EIF4G3: variants seen among roughly 807,000 people sequenced by gnomAD.
EIF4G3 encodes the protein eIF-4-gamma 3.
In EIF4G3, 34 loss-of-function variants were observed where a neutral mutation model predicts 186.4. The observed-to-expected ratio is 0.18, with a 90% CI of 0.14 to 0.24. The LOEUF is 0.24. EIF4G3 is among the 10% of genes least tolerant of loss of function. The pLI is 1.00. For synonymous variants in EIF4G3, 673 were observed against 679.5 expected (o/e 0.99, Z 0.15); for missense variants, 1,536 against 1,948.5 (o/e 0.79, Z 3.99).
At chr1:21,099,529 G>C (rs1006004530) in intron 2 of EIF4G3, among the ~76,000 whole-genome samples, 2 of 152,202 alleles carry the variant, frequency 1.3e-5, no homozygotes, top group East Asian at 3.8e-4. Flanking sequence ...ACTCCTGCCT[G>C]GGCAACAGAG....
At chr1:21,125,349 C>T (rs1044991287) in intron 2 of EIF4G3, among the ~76,000 whole-genome samples, 1 of 152,194 alleles carries the variant, frequency 6.6e-6, no homozygotes, top group Non-Finnish European at 1.5e-5. Flanking sequence ...ACAGTACCCT[C>T]ACTTTCTTAA....
chr1:20,906,481 G>A (rs574468593), intron 14 of EIF4G3, among the ~76,000 whole-genome samples: 42 of 152,194 alleles, frequency 2.8e-4, no homozygotes, highest in Non-Finnish European at 4.3e-4. Context: ...TGGAAAAGAG[G>A]AAGAACAATT....
At chr1:21,053,455 G>A (rs1442640677) in intron 3 of EIF4G3, among the ~76,000 whole-genome samples, 7 of 150,966 alleles carry the variant, frequency 4.6e-5, no homozygotes, top group Non-Finnish European at 8.9e-5. Flanking sequence ...CGCCCCGTCC[G>A]GGAGGTGAGG....
At chr1:21,017,340 T>A (rs2089406849) in intron 4 of EIF4G3, among the ~76,000 whole-genome samples, 1 of 151,876 alleles carries the variant, frequency 6.6e-6, no homozygotes, top group African/African-American at 2.4e-5. Flanking sequence ...AGAAGTTTAG[T>A]GTCCTTGGCC....
At chr1:20,931,248 C>T (rs1191588613) in intron 14 of EIF4G3, among the ~76,000 whole-genome samples, 1 of 152,062 alleles carries the variant, frequency 6.6e-6, no homozygotes, top group Non-Finnish European at 1.5e-5. Flanking sequence ...CAGCTATAGA[C>T]ATACAAAATG....
chr1:21,172,769 CG>C (rs377662282), intron 2 of EIF4G3, among the ~76,000 whole-genome samples: 1,505 of 148,052 alleles, frequency 0.01, 23 homozygotes, highest in African/African-American at 0.035. Context: ...AGGATGGTCT[CG>C]ATCTCCTGAT....
rs567541092 is a variant in EIF4G3, at chr1:20,868,735, C to A, written c.2623-3473G>T. Among the ~76,000 whole-genome samples, 3 of 152,174 alleles carry A rather than the reference C, an allele frequency of 2.0e-5. No homozygotes were observed. The South Asian group carries it at 6.2e-4, about 32-fold the overall frequency. ...GTGTGTTTAAATGGGTTGTTCGGGA[C>A]GGGTTTCTTTTTCTCAGGGAGCAAG... On this transcript the variant is annotated intron_variant, in intron 20 of 36. Coordinates refer to ENST00000602326, the MANE Select transcript of EIF4G3 (RefSeq NM_001391906.1).
intron 2 of EIF4G3, among the ~76,000 whole-genome samples, chr1:21,118,293 G>T (rs141363614): frequency 7.6e-4 from 115 of 152,280 alleles, no homozygotes; most frequent in African/African-American, 2.5e-3. Flanking sequence ...AACCCTCAGG[G>T]TGTGGATCAT....
At chr1:21,062,272 C>G (rs2094957148) in intron 3 of EIF4G3, among the ~76,000 whole-genome samples, 1 of 151,858 alleles carries the variant, frequency 6.6e-6, no homozygotes, top group Non-Finnish European at 1.5e-5. Flanking sequence ...GTTGCCCAGG[C>G]TGGCTTCAAA....
chr1:21,147,400 G>A (rs1003792734), intron 2 of EIF4G3, among the ~76,000 whole-genome samples: 2 of 151,398 alleles, frequency 1.3e-5, no homozygotes, highest in Non-Finnish European at 2.9e-5. Flanking sequence ...GAGTGCAATC[G>A]CGTGATCTCG....
chr1:20,840,951 G>C lies in EIF4G3; in HGVS notation c.3966C>G (p.Thr1322=). ...HVFVRVGVES[T]LERSQITRDH... ...CCCTGGTGATCTGGCTCCTTTCCAG[G>C]GTGGACTCCACTCCCACTCTCACAA... The change falls in exon 30 of 37, where the codon ACC becomes ACG. Residue 1322 remains threonine, a synonymous_variant. Transcript: ENST00000602326. 1 of 1,613,964 alleles carries C rather than the reference G, an allele frequency of 6.2e-7. No individual in the cohort carries two copies. Among genetic ancestry groups the C allele is most frequent in the Non-Finnish European group, 8.5e-7 (1 of 1,179,996 alleles).
chr1:21,120,763 C>T (rs949276822), intron 2 of EIF4G3, among the ~76,000 whole-genome samples: 2 of 151,964 alleles, frequency 1.3e-5, no homozygotes, highest in South Asian at 2.1e-4. Context: ...ACTATGGCAC[C>T]GAATATGAAT....
intron 19 of EIF4G3, among the ~76,000 whole-genome samples, chr1:20,884,382 A>G (rs1389724911): frequency 1.3e-5 from 2 of 151,780 alleles, no homozygotes; most frequent in African/African-American, 4.8e-5. Context: ...TTTCCTCATG[A>G]AAAAAAAGGA....
At chr1:21,129,249 A>AATCACAGGAACCTG (rs2097107231) in intron 2 of EIF4G3, among the ~76,000 whole-genome samples, 2 of 151,776 alleles carry the variant, frequency 1.3e-5, no homozygotes, top group South Asian at 4.2e-4. Context: ...TGGGAGGCAG[A>AATCACAGGAACCTG]GGTTGCGGTA....
chr1:20,903,437 A>G (rs2091074482), intron 15 of EIF4G3, among the ~76,000 whole-genome samples: 1 of 152,204 alleles, frequency 6.6e-6, no homozygotes, highest in African/African-American at 2.4e-5. Context: ...AATAACAAAA[A>G]AACCAGCTGA....
At chr1:20,870,352 C>T (rs1276827490) in intron 20 of EIF4G3, among the ~76,000 whole-genome samples, 1 of 152,142 alleles carries the variant, frequency 6.6e-6, no homozygotes, top group Non-Finnish European at 1.5e-5. Context: ...AAAAATCTGC[C>T]TTTAGTGCCA....
At chr1:21,089,664 C>T (rs2096116274) in intron 2 of EIF4G3, among the ~76,000 whole-genome samples, 2 of 151,670 alleles carry the variant, frequency 1.3e-5, no homozygotes, top group Admixed American at 6.6e-5. Flanking sequence ...TGGTTGCCAG[C>T]ACCTGTAGTC....
intron 16 of EIF4G3, among the ~76,000 whole-genome samples, chr1:20,899,393 A>G (rs2089552522): frequency 6.6e-6 from 1 of 152,174 alleles, no homozygotes; most frequent in African/African-American, 2.4e-5. Flanking sequence ...CCTTTCAATT[A>G]AAACGAATGC....
Position 20,879,367 on chromosome 1 carries a change from T to C in EIF4G3, c.2578A>G (p.Ser860Gly), listed in dbSNP as rs779423351. Residue 860 changes from serine to glycine, a missense_variant, in exon 20 of 37, where the codon AGT becomes GGT. Physicochemically the swap from Ser to Gly is moderately conservative, Grantham distance 56. Coordinates refer to ENST00000602326, the MANE Select transcript of EIF4G3 (RefSeq NM_001391906.1). ...ATGTTTGCGTAAGCCACAGAGAAAC[T>C]GGGTTCATCAATAGCCTTCTCAAAG... ...LVFEKAIDEP[S>G]FSVAYANMCR... The C allele has an allele frequency of 3.7e-6, 6 of 1,606,146 alleles. No individual in the cohort carries two copies. The highest frequency in any genetic ancestry group is 5.1e-6 in the Non-Finnish European group (6 of 1,176,262).
Sources: gnomAD v4.1 joint callset for allele counts (sites outside exome capture counted in the v4.1 genomes callset) on GRCh38, gnomAD v4.1.1 for gene constraint, MANE v1.5 for transcripts, NCBI Gene and HGNC (gene_info 2026-07-23, HGNC 2026-07-21) for gene names.